SLC27A2: variants seen among roughly 807,000 people sequenced by gnomAD.
SLC27A2 encodes solute carrier family 27 member 2.
In SLC27A2, 54 loss-of-function variants were observed where a neutral mutation model predicts 60.0. The ratio of observed to expected loss-of-function variants is 0.90; its 90% CI spans 0.72 to 1.13. The LOEUF is 1.13. SLC27A2 is among the 50% of genes most tolerant of loss of function. The pLI is 0.00. For missense variants in SLC27A2, 739 were observed against 777.6 expected (o/e 0.95, Z 0.59); for synonymous variants, 297 against 297.6 (o/e 1.00, Z 0.02).
chr15:50,234,106 C>A (rs1270098372), intron 9 of SLC27A2, 108 bp downstream of exon 9: 2 of 1,097,706 alleles, frequency 1.8e-6, no homozygotes, highest in African/African-American at 1.6e-5. Context: ...AAGTTTTCAC[C>A]GCACTTTCCA....
In SLC27A2 at chr15:50,193,331, A is replaced by G. The variant is rs570529473; in HGVS notation, c.479-4169A>G. ...ATTTTTGTTTGTTTGTTTCTCCTCT[A>G]TTAGACCTGGGCTCTATGAAAACAG... On this transcript the variant is annotated intron_variant, in intron 1 of 9. Transcript: ENST00000267842. 3.9e-5 allele frequency among the ~76,000 whole-genome samples: 6 copies of G among 152,248 alleles called. No homozygotes were observed. The South Asian group carries it at 1.2e-3, about 32-fold the overall frequency.
chr15:50,196,083 T>A (rs1279033168), intron 1 of SLC27A2, among the ~76,000 whole-genome samples: 1,099 of 4,572 alleles, frequency 0.24, 241 homozygotes, highest in South Asian at 0.54. Context: ...AAAAAATATA[T>A]ATATATATAT....
chr15:50,205,033 G>A (rs1246741478), intron 3 of SLC27A2, among the ~76,000 whole-genome samples: 4 of 151,160 alleles, frequency 2.6e-5, no homozygotes, highest in Admixed American at 6.6e-5. Flanking sequence ...ACCTTTGTAT[G>A]AGTCTTCTCC....
In SLC27A2 at chr15:50,233,392, C is replaced by G. The variant is rs191772630; in HGVS notation, c.1556-476C>G. Reference sequence around the variant, plus strand: ...AGTCTAAAGTAACTTCCTGTAGCCACCAGTCCAACCTACTCCCTACTAAGA... The same window carrying G: ...AGTCTAAAGTAACTTCCTGTAGCCAGCAGTCCAACCTACTCCCTACTAAGA... On this transcript the variant is annotated intron_variant, in intron 8 of 9. Coordinates refer to ENST00000267842, the MANE Select transcript of SLC27A2 (RefSeq NM_003645.4). 4.3e-3 allele frequency among the ~76,000 whole-genome samples: 656 copies of G among 152,270 alleles called. 4 individuals carry two copies. Among genetic ancestry groups the G allele is most frequent in the Non-Finnish European group, 7.4e-3 (506 of 68,024 alleles).
intron 1 of SLC27A2, among the ~76,000 whole-genome samples, chr15:50,195,237 C>T (rs1377311711): frequency 3.4e-5 from 5 of 148,672 alleles, no homozygotes; most frequent in South Asian, 2.2e-4. Flanking sequence ...GAGGCAGAGG[C>T]GGGCGGATCA....
chr15:50,189,233 C>T (rs1302855671), intron 1 of SLC27A2, among the ~76,000 whole-genome samples: 2 of 151,994 alleles, frequency 1.3e-5, no homozygotes, highest in African/African-American at 4.8e-5. Context: ...CCAGGCCCAG[C>T]CTTACCCTAC....
chr15:50,226,928 G>A, intron 6 of SLC27A2, 52 bp from the exon 7 acceptor site: 1 of 1,466,444 alleles, frequency 6.8e-7, no homozygotes, highest in African/African-American at 1.4e-5. Flanking sequence ...GAAGGTTGAT[G>A]TATAAATTTG....
intron 2 of SLC27A2, among the ~76,000 whole-genome samples, chr15:50,201,092 G>A (rs985144882): frequency 6.6e-6 from 1 of 152,008 alleles, no homozygotes; most frequent in Non-Finnish European, 1.5e-5. Flanking sequence ...CCTGGGCTCA[G>A]GCGATCATCC....
At chr15:50,210,656 G>C (rs1456836855) in intron 4 of SLC27A2, among the ~76,000 whole-genome samples, 1 of 152,164 alleles carries the variant, frequency 6.6e-6, no homozygotes, top group Non-Finnish European at 1.5e-5. Flanking sequence ...CTCCAGGGAG[G>C]GTGTGAATCT....
At chr15:50,189,027 A>G (rs528910986) in intron 1 of SLC27A2, among the ~76,000 whole-genome samples, 4 of 151,778 alleles carry the variant, frequency 2.6e-5, no homozygotes, top group Non-Finnish European at 4.4e-5. Flanking sequence ...AGATAGATAG[A>G]TGCATACAAA....
At position 50,236,083 on chromosome 15, in the gene SLC27A2, C is replaced by T. The variant is rs757119397; in HGVS notation, c.1850C>T (p.Thr617Ile). The change falls in exon 10 of 10, where the codon ACC (threonine) becomes ATC (isoleucine). Residue 617 changes from threonine to isoleucine, a missense_variant. Physicochemically the swap from Thr to Ile is moderately conservative, Grantham distance 89 (BLOSUM62 -1). Transcript: ENST00000267842. ...ATCTATAATGCCATAAGTGCTAAAA[C>T]CCTGAAACTCTGAATATTCCCAGGA... ...EDIYNAISAK[T>I]LKL 1 of 1,594,756 alleles carries T rather than the reference C, an allele frequency of 6.3e-7. No homozygotes were observed. The highest frequency in any genetic ancestry group is 8.6e-7 in the Non-Finnish European group (1 of 1,167,520).
Position 50,228,953 on chromosome 15 carries a change from G to A in SLC27A2, c.1466G>A (p.Gly489Glu). The part of the protein sequence containing the change: ...DRVGDTFRWK[G>E]ENVATTEVAD... ...TTTGTCCTTTCTTCCAGGTGGAAAG[G>A]GGAAAATGTGGCCACCACTGAAGTT... Residue 489 changes from glycine (G) to glutamate (E), a missense_variant, in exon 8 of 10, where the codon GGG (glycine) becomes GAG (glutamate). Transcript: ENST00000267842. The A allele has an allele frequency of 1.2e-6, 2 of 1,613,382 alleles. No homozygotes were observed. Among genetic ancestry groups the A allele is most frequent in the Non-Finnish European group, 1.7e-6 (2 of 1,179,308 alleles).
rs1040950415 is a variant in SLC27A2, at chr15:50,230,672, C to T, written c.1555+1630C>T. 2.6e-5 allele frequency among the ~76,000 whole-genome samples: 4 copies of T among 152,292 alleles called. No individual in the cohort carries two copies. The East Asian group carries it at 7.7e-4, about 29-fold the overall frequency. On this transcript the variant is annotated intron_variant, in intron 8 of 9. Coordinates refer to ENST00000267842, the MANE Select transcript of SLC27A2 (RefSeq NM_003645.4). ...CAGAATGGAAGGGGGTGTGAATACT[C>T]CCATTGGAGAACTCCCCAGGCCTTA...
chr15:50,214,432 A>G (rs2140907673), intron 4 of SLC27A2, among the ~76,000 whole-genome samples: 1 of 152,228 alleles, frequency 6.6e-6, no homozygotes. Context: ...CTATTCCACA[A>G]GATAGAGAAA....
At chr15:50,189,205 A>G (rs2044953095) in intron 1 of SLC27A2, among the ~76,000 whole-genome samples, 1 of 152,086 alleles carries the variant, frequency 6.6e-6, no homozygotes, top group Admixed American at 6.5e-5. Flanking sequence ...GAAAAAATCC[A>G]TTTAAACTCA....
At chr15:50,188,017 T>C (rs1209389850) in intron 1 of SLC27A2, among the ~76,000 whole-genome samples, 1 of 149,994 alleles carries the variant, frequency 6.7e-6, no homozygotes, top group African/African-American at 2.5e-5. Flanking sequence ...TACAAGCTAG[T>C]TTTCTCTGTG....
At chr15:50,218,772 A>T (rs2045220906) in intron 4 of SLC27A2, among the ~76,000 whole-genome samples, 1 of 152,194 alleles carries the variant, frequency 6.6e-6, no homozygotes, top group Admixed American at 6.5e-5. Flanking sequence ...ATTCCATCCA[A>T]ACAGAATGAA....
chr15:50,192,365 A>T (rs761233009), intron 1 of SLC27A2, among the ~76,000 whole-genome samples: 4 of 152,170 alleles, frequency 2.6e-5, no homozygotes, highest in Non-Finnish European at 4.4e-5. Context: ...TTCAGATTAG[A>T]TGACTTGCAT....
chr15:50,228,103 C>T (rs530349850), intron 7 of SLC27A2, among the ~76,000 whole-genome samples: 1 of 152,206 alleles, frequency 6.6e-6, no homozygotes, highest in East Asian at 1.9e-4. Flanking sequence ...ATGGGCCAGG[C>T]GTGGTGGCTA....
Sources: allele counts gnomAD v4.1 joint callset (sites outside exome capture counted in the v4.1 genomes callset), GRCh38; gene constraint gnomAD v4.1.1; transcripts MANE v1.5; gene names NCBI Gene and HGNC (gene_info 2026-07-23, HGNC 2026-07-21).